The following MKLN1 variants were observed in gnomAD, a reference collection of about 807,000 sequenced individuals.
The protein encoded by MKLN1 is muskelin 1.
In MKLN1, 18 loss-of-function variants were observed where a neutral mutation model predicts 99.0. The ratio of observed to expected loss-of-function variants is 0.18; its 90% CI spans 0.13 to 0.27. The LOEUF is 0.27. Among genes scored for constraint, MKLN1 ranks in the 10% least tolerant of loss-of-function variants. The probability of loss-of-function intolerance (pLI) is 1.00; values close to 1 mark genes in which losing one functional copy is unlikely to be tolerated. For synonymous variants in MKLN1, 288 were observed against 293.2 expected (o/e 0.98, Z 0.18); for missense variants, 621 against 875.9 (o/e 0.71, Z 3.67).
At chr7:131,416,378 C>T (rs904456408) in intron 8 of MKLN1, among the ~76,000 whole-genome samples, 11 of 151,892 alleles carry the variant, frequency 7.2e-5, no homozygotes, top group Admixed American at 4.6e-4. Flanking sequence ...CCATGAAATT[C>T]GAAAACAGAA....
At chr7:131,374,452 A>T (rs1239684016) in intron 1 of MKLN1, among the ~76,000 whole-genome samples, 1 of 152,192 alleles carries the variant, frequency 6.6e-6, no homozygotes, top group East Asian at 1.9e-4. Flanking sequence ...CCAGTATCAC[A>T]GGGTTCCTTC....
chr7:131,376,095 A>AAAATAT (rs1337580479), intron 2 of MKLN1, among the ~76,000 whole-genome samples: 11 of 108,076 alleles, frequency 1.0e-4, no homozygotes, highest in South Asian at 3.3e-4. Flanking sequence ...AATTCATGGA[A>AAAATAT]ATATATATAT....
At chr7:131,371,123 GTTAT>G (rs902697874) in intron 1 of MKLN1, among the ~76,000 whole-genome samples, 34 of 151,820 alleles carry the variant, frequency 2.2e-4, no homozygotes, top group African/African-American at 7.5e-4. Context: ...TCTTTTTTGT[GTTAT>G]TTATTTGTTC....
chr7:131,352,733 G>C (rs1365898002), intron 1 of MKLN1, among the ~76,000 whole-genome samples: 2 of 152,086 alleles, frequency 1.3e-5, no homozygotes, highest in Non-Finnish European at 2.9e-5. Context: ...GTGTCCTAAG[G>C]TCAGTTGGAA....
At chr7:131,324,365 C>T (rs1798842710), upstream of MKLN1, 1 of 152,316 alleles carries the variant, frequency 6.6e-6, no homozygotes, top group African/African-American at 2.4e-5. Flanking sequence ...CAGAGAGAAA[C>T]ACCACCAGCT....
At chr7:131,347,186 C>T (rs571456349) in intron 1 of MKLN1, among the ~76,000 whole-genome samples, 12 of 152,008 alleles carry the variant, frequency 7.9e-5, no homozygotes, top group African/African-American at 2.9e-4. Context: ...AAAATAGAAA[C>T]GAAAGGAAAA....
intron 1 of MKLN1, among the ~76,000 whole-genome samples, chr7:131,112,911 T>A (rs1307626422): frequency 6.6e-6 from 1 of 152,224 alleles, no homozygotes; most frequent in Non-Finnish European, 1.5e-5. Context: ...AGAAGTAGCA[T>A]GAAGAAATGT....
At chr7:131,405,606 C>G (rs1794679170) in intron 6 of MKLN1, among the ~76,000 whole-genome samples, 1 of 151,962 alleles carries the variant, frequency 6.6e-6, no homozygotes, top group South Asian at 2.1e-4. Flanking sequence ...AAATTTCCTC[C>G]TCTTGTTCTT....
chr7:131,470,753 G>A (rs1041099656), intron 15 of MKLN1, 89 bp from the exon 16 acceptor site: 1 of 846,226 alleles, frequency 1.2e-6, no homozygotes, highest in East Asian at 2.5e-5. Context: ...CTCATACTCA[G>A]TATAACAGTG....
intron 2 of MKLN1, among the ~76,000 whole-genome samples, chr7:131,376,013 T>C (rs1216922053): frequency 6.7e-6 from 1 of 148,966 alleles, no homozygotes; most frequent in Admixed American, 6.7e-5. Flanking sequence ...TCCATATCCT[T>C]GAAGAAATTA....
At chr7:131,316,813 A>G (rs978770465) in intron 3 of MKLN1, among the ~76,000 whole-genome samples, 7 of 152,208 alleles carry the variant, frequency 4.6e-5, no homozygotes, top group African/African-American at 1.7e-4. Context: ...TGAAGCATAC[A>G]CAAGTATCAA....
Position 131,376,026 on chromosome 7 carries a change from G to T in MKLN1, c.168+533G>T, listed in dbSNP as rs1793635867. On this transcript the variant is annotated intron_variant, in intron 2 of 17. Transcript: ENST00000352689. ...TGTCCATATCCTTGAAGAAATTAAT[G>T]CTCTGCTAGGTAAAGCAAATGGGTA... is the stretch of plus-strand genomic sequence containing the variant. Among the ~76,000 whole-genome samples the T allele has an allele frequency of 2.1e-5, 3 of 145,930 alleles. No individual in the cohort carries two copies. The South Asian group carries it at 6.5e-4, about 32-fold the overall frequency.
chr7:131,298,791 G>C (rs1297817510), intron 3 of MKLN1, among the ~76,000 whole-genome samples: 1 of 152,128 alleles, frequency 6.6e-6, no homozygotes, highest in African/African-American at 2.4e-5. Context: ...TAAATCGATG[G>C]AGCAATTTTT....
intron 3 of MKLN1, among the ~76,000 whole-genome samples, chr7:131,286,335 C>G (rs1240056678): frequency 1.3e-5 from 2 of 152,174 alleles, no homozygotes; most frequent in African/African-American, 4.8e-5. Context: ...GTCCTCAGCT[C>G]TTATATTTTC....
At position 131,295,819 on chromosome 7, in the gene MKLN1, A is replaced by G. The variant is rs371152298; in HGVS notation, c.-178-79605A>G. ...AGAACTGCTTGAGCTTGGGAGATGG[A>G]GGCTGCAGTGAGTAATGATTCCACT... On this transcript the variant is annotated intron_variant, in intron 3 of 7. Transcript: ENST00000416992. Among the ~76,000 whole-genome samples, 13 of 149,918 alleles carry G rather than the reference A, an allele frequency of 8.7e-5. No individual in the cohort carries two copies. In the East Asian group the frequency reaches 2.2e-3, roughly 25 times the overall value.
Position 131,372,455 on chromosome 7 carries a change from A to G in MKLN1, c.99-2969A>G, listed in dbSNP as rs1158849994. On this transcript the variant is annotated intron_variant, in intron 1 of 17. Coordinates refer to ENST00000352689, the MANE Select transcript of MKLN1 (RefSeq NM_013255.5). Reference sequence around the variant, plus strand: ...TTGAGAATTATATTAATAACTTAGTATACGTTCTTTGTCTTTTCTCCCTGT... The same window carrying G: ...TTGAGAATTATATTAATAACTTAGTGTACGTTCTTTGTCTTTTCTCCCTGT... Among the ~76,000 whole-genome samples the G allele has an allele frequency of 2.6e-5, 4 of 152,108 alleles. No homozygotes were observed. The South Asian group carries it at 8.3e-4, about 31-fold the overall frequency.
chr7:131,479,784 G>A (rs1039740401), intron 17 of MKLN1, among the ~76,000 whole-genome samples: 36 of 151,770 alleles, frequency 2.4e-4, no homozygotes, highest in Non-Finnish European at 3.8e-4. Context: ...CCGAGATTGC[G>A]CCACTGCACT....
chr7:131,183,148 A>G (rs77665861), intron 2 of MKLN1, among the ~76,000 whole-genome samples: 2,524 of 152,338 alleles, frequency 0.017, 77 homozygotes, highest in African/African-American at 0.058. Context: ...CTTATCATTA[A>G]AAATCAATCA....
chr7:131,248,133 C>T (rs1294818840), intron 3 of MKLN1, among the ~76,000 whole-genome samples: 1 of 151,600 alleles, frequency 6.6e-6, no homozygotes, highest in Non-Finnish European at 1.5e-5. Flanking sequence ...CCTATTTTGC[C>T]CAGGCTAGTC....
Sources: allele counts gnomAD v4.1 joint callset (sites outside exome capture counted in the v4.1 genomes callset), GRCh38; gene constraint gnomAD v4.1.1; transcripts MANE v1.5; gene names NCBI Gene and HGNC (gene_info 2026-07-23, HGNC 2026-07-21).